Variants in FAM20B observed in about 807,000 individuals in gnomAD.
FAM20B encodes glycosaminoglycan xylosylkinase.
Under a neutral mutation model 43.8 loss-of-function variants are expected in FAM20B, and 23 were observed. That is an observed-to-expected ratio of 0.53 (90% CI 0.38 to 0.74). FAM20B has a LOEUF of 0.74. Among genes scored for constraint, FAM20B ranks in the 30% least tolerant of loss-of-function variants. The pLI, the probability that FAM20B is intolerant of heterozygous loss-of-function variation, is 0.00. For synonymous variants in FAM20B, 178 were observed against 192.4 expected, an observed-to-expected ratio of 0.93 and a Z score of 0.62; for missense variants, 440 against 510.5, an observed-to-expected ratio of 0.86 and a Z score of 1.33.
chr1:179,036,653 A>G (rs1428463401), intron 1 of FAM20B, among the ~76,000 whole-genome samples: 1 of 152,228 alleles, frequency 6.6e-6, no homozygotes, highest in African/African-American at 2.4e-5. Context: ...GGAAGATTAT[A>G]TGGCATGGAA....
chr1:179,059,813 A>T (rs1651380811), intron 4 of FAM20B, among the ~76,000 whole-genome samples: 1 of 151,928 alleles, frequency 6.6e-6, no homozygotes, highest in Admixed American at 6.6e-5. Context: ...CTCTACTAAA[A>T]ATATAAAAAT....
intron 1 of FAM20B, among the ~76,000 whole-genome samples, chr1:179,027,717 G>A (rs1421200141): frequency 2.0e-5 from 3 of 152,176 alleles, no homozygotes; most frequent in African/African-American, 4.8e-5. Context: ...AGTTCACAGC[G>A]TTTCTTTTCT....
At chr1:179,061,403 T>G (rs1651460164) in intron 4 of FAM20B, among the ~76,000 whole-genome samples, 1 of 151,020 alleles carries the variant, frequency 6.6e-6, no homozygotes, top group Non-Finnish European at 1.5e-5. Context: ...AAGTGATGAT[T>G]TTTGTATTTT....
At chr1:179,037,999 A>G (rs1330812730) in intron 1 of FAM20B, among the ~76,000 whole-genome samples, 1 of 152,258 alleles carries the variant, frequency 6.6e-6, no homozygotes, top group Non-Finnish European at 1.5e-5. Flanking sequence ...TTGATGATAA[A>G]AACAAAACAA....
At position 179,072,096 on chromosome 1, in the gene FAM20B, G is replaced by C. The variant is rs1326421620; in HGVS notation, c.1182G>C (p.Gly394=). Residue 394 remains glycine, a synonymous_variant, in exon 8 of 8, where the codon GGG becomes GGC. Transcript: ENST00000263733. ...ATVKQCTDQF[G]MDTVLVEDRM... is the part of the protein sequence containing the mutation. ...TGAAGCAGTGCACCGACCAGTTTGG[G>C]ATGGACACAGTACTGGTGGAAGACA... 6.8e-6 allele frequency: 11 copies of C among 1,614,026 alleles called. No homozygotes were observed. The East Asian group carries it at 2.5e-4, about 36-fold the overall frequency.
chr1:179,040,964 C>T (rs11584723), intron 1 of FAM20B, among the ~76,000 whole-genome samples: 64,796 of 143,238 alleles, frequency 0.45, 15,355 homozygotes, highest in African/African-American at 0.53. Flanking sequence ...AGGCGCTCCT[C>T]ACATCCCAGA....
chr1:179,018,706 T>C, the FAM20B span, among the ~76,000 whole-genome samples: 1 of 152,220 alleles, frequency 6.6e-6, no homozygotes. Flanking sequence ...GTTATGAGTT[T>C]GTGGGGACAC....
Position 179,040,528 on chromosome 1 carries a change from G to A in FAM20B, c.-133-3187G>A, listed in dbSNP as rs566369681. Among the ~76,000 whole-genome samples the A allele has an allele frequency of 4.8e-5, 6 of 125,210 alleles. 1 individual carries two copies. The South Asian group carries it at 1.2e-3, about 25-fold the overall frequency. The allele number at this position is 125,210 out of a possible 152,430, so 82.1% of individuals were successfully genotyped here. A position where few individuals can be genotyped will look rare whatever the true frequency, so the allele number is the denominator to read the frequency against. ...TCCCTCCCGGACGGGGCGGCTGGCC[G>A]GGCGGGGGGCTGACCCCCCTACCTC... On this transcript the variant is annotated intron_variant, in intron 1 of 7. Coordinates refer to ENST00000263733, the MANE Select transcript of FAM20B (RefSeq NM_014864.4).
intron 1 of FAM20B, among the ~76,000 whole-genome samples, chr1:179,030,370 A>G (rs1403427937): frequency 6.6e-6 from 1 of 152,060 alleles, no homozygotes; most frequent in Non-Finnish European, 1.5e-5. Context: ...AGCACTGCCA[A>G]TAATACTTGA....
chr1:179,019,291 G>A, the FAM20B span, among the ~76,000 whole-genome samples: 1 of 152,182 alleles, frequency 6.6e-6, no homozygotes, highest in East Asian at 1.9e-4. Context: ...TGGCTGGAAG[G>A]AAGGAGATGG....
chr1:179,050,369 C>T lies in FAM20B; in HGVS notation c.464+4C>T, dbSNP rs779514450. 42 of 1,607,258 alleles carry T rather than the reference C, an allele frequency of 2.6e-5. No individual in the cohort carries two copies. The highest frequency in any genetic ancestry group is 3.3e-4 in the Middle Eastern group (2 of 6,054). On this transcript the variant is annotated splice_donor_region_variant and intron_variant, in intron 3 of 7. Transcript: ENST00000263733. ...TAGCAGCCTTTCACTTGGACAGGTG[C>T]GTATGATCACAGCAGCTTATGTTCA...
chr1:179,057,123 T>C (rs1049626210), intron 4 of FAM20B, among the ~76,000 whole-genome samples: 3 of 152,142 alleles, frequency 2.0e-5, no homozygotes, highest in East Asian at 3.9e-4. Context: ...GGTGGGCAGA[T>C]CACTTGAGGG....
intron 4 of FAM20B, among the ~76,000 whole-genome samples, chr1:179,063,388 C>G (rs748286161): frequency 6.6e-6 from 1 of 152,070 alleles, no homozygotes; most frequent in Non-Finnish European, 1.5e-5. Flanking sequence ...GAGTTTGAGC[C>G]CAGCCAGGCC....
intron 1 of FAM20B, among the ~76,000 whole-genome samples, chr1:179,028,244 C>T (rs1382789704): frequency 6.6e-6 from 1 of 152,142 alleles, no homozygotes; most frequent in Non-Finnish European, 1.5e-5. Context: ...GCCACAATCT[C>T]ATAACAGAAG....
chr1:179,051,058 C>G (rs10913679), intron 3 of FAM20B, among the ~76,000 whole-genome samples: 106,541 of 150,984 alleles, frequency 0.71, 38,728 homozygotes, highest in African/African-American at 0.88. Flanking sequence ...GGAGGCACAG[C>G]TTGCAGTGAG....
chr1:179,046,230 G>A (rs972781794), intron 2 of FAM20B, among the ~76,000 whole-genome samples: 7 of 152,200 alleles, frequency 4.6e-5, no homozygotes, highest in Non-Finnish European at 8.8e-5. Flanking sequence ...AAGTGATGAC[G>A]TGGAGCACTC....
intron 7 of FAM20B, among the ~76,000 whole-genome samples, chr1:179,071,303 A>AAT (rs1651916511): frequency 2.0e-5 from 3 of 151,638 alleles, no homozygotes; most frequent in African/African-American, 7.3e-5. Context: ...CTCAAAAAAA[A>AAT]AATAATAATA....
chr1:179,039,918 G>C lies in FAM20B; in HGVS notation c.-133-3797G>C, dbSNP rs994806658. Among the ~76,000 whole-genome samples, 3 of 152,044 alleles carry C rather than the reference G, an allele frequency of 2.0e-5. No homozygotes were observed. In the East Asian group the frequency reaches 5.8e-4, roughly 29 times the overall value. ...TTGTGTCCCTGGGTACTTGAGATTA[G>C]GGAGTGGTGATGACTCTTAACGAGC... On this transcript the variant is annotated intron_variant, in intron 1 of 7. Transcript: ENST00000263733.
chr1:179,020,313 C>T, the FAM20B span, among the ~76,000 whole-genome samples: 1 of 152,196 alleles, frequency 6.6e-6, no homozygotes. Flanking sequence ...TGCCTGACAG[C>T]CACAGGCTTC....
Sources: gnomAD v4.1 joint callset for allele counts (sites outside exome capture counted in the v4.1 genomes callset) on GRCh38, gnomAD v4.1.1 for gene constraint, MANE v1.5 for transcripts, NCBI Gene and HGNC (gene_info 2026-07-23, HGNC 2026-07-21) for gene names.